ZZEF1: variants seen among roughly 807,000 people sequenced by gnomAD.
ZZEF1 encodes zinc finger ZZ-type and EF-hand domain containing 1, also known as zinc finger ZZ-type and EF-hand domain-containing protein 1.
Under a neutral mutation model 342.8 loss-of-function variants are expected in ZZEF1, and 157 were observed. The observed-to-expected ratio is 0.46, with a 90% CI of 0.40 to 0.52. ZZEF1 has a LOEUF of 0.52. ZZEF1 is among the 20% of genes least tolerant of loss of function. The probability of loss-of-function intolerance (pLI) is 0.00; values close to 1 mark genes in which losing one functional copy is unlikely to be tolerated. For missense variants in ZZEF1, 3,480 were observed against 3,725.6 expected (o/e 0.93, Z 1.72); for synonymous variants, 1,505 against 1,429.1 (o/e 1.05, Z -1.20).
rs957132194 is a variant in ZZEF1, at chr17:4,066,641, G to T, written c.4156-101C>A. 6.4e-6 allele frequency: 6 copies of T among 939,964 alleles called. No individual in the cohort carries two copies. In the African/African-American group the frequency reaches 8.1e-5, roughly 13 times the overall value. The allele number at this position is 939,964 out of a possible 1,614,324, so 58.2% of individuals were successfully genotyped here. A position where few individuals can be genotyped will look rare whatever the true frequency, so the allele number is the denominator to read the frequency against. On this transcript the variant is annotated intron_variant, in intron 27 of 54. Coordinates refer to ENST00000381638, the MANE Select transcript of ZZEF1 (RefSeq NM_015113.4). ...AAGCACACAGCACTGACACCACAGA[G>T]TACTTCACAGTTGTATCATTTAGAG...
intron 1 of ZZEF1, among the ~76,000 whole-genome samples, chr17:4,128,458 G>T (rs199612161): frequency 1.4e-4 from 20 of 143,842 alleles, no homozygotes; most frequent in Non-Finnish European, 2.3e-4. Context: ...TTCTAAAGTT[G>T]TTTTTTTTTT....
At chr17:4,057,134 G>A (rs1397114468) in intron 32 of ZZEF1, among the ~76,000 whole-genome samples, 1 of 152,236 alleles carries the variant, frequency 6.6e-6, no homozygotes, top group Non-Finnish European at 1.5e-5. Flanking sequence ...GGGGCTTGCT[G>A]TAAAGGGCGC....
At chr17:4,064,235 TA>T in intron 29 of ZZEF1, 125 bp downstream of exon 29, 3 of 811,694 alleles carry the variant, frequency 3.7e-6, no homozygotes, top group South Asian at 2.5e-5. Flanking sequence ...TTGAATATTC[TA>T]AAACAAGTCT....
chr17:4,133,092 A>G (rs138991633), intron 1 of ZZEF1, among the ~76,000 whole-genome samples: 176 of 152,364 alleles, frequency 1.2e-3, no homozygotes, highest in Non-Finnish European at 2.2e-3. Flanking sequence ...TGTTCACATT[A>G]TAGCATACTG....
At chr17:4,086,944 GTGATCTCAGCTCAC>G (rs2057842812) in intron 14 of ZZEF1, among the ~76,000 whole-genome samples, 1 of 152,158 alleles carries the variant, frequency 6.6e-6, no homozygotes, top group African/African-American at 2.4e-5. Context: ...GTGCAGTGGT[GTGATCTCAGCTCAC>G]TGCATCTCAG....
chr17:4,022,602 A>G (rs746169780), intron 44 of ZZEF1, 107 bp downstream of exon 44: 2 of 1,525,500 alleles, frequency 1.3e-6, no homozygotes, highest in South Asian at 2.3e-5. Flanking sequence ...ACTGTACTAA[A>G]GGAGTGTGCA....
In ZZEF1 at chr17:4,014,671, G is replaced by C. The variant is rs1357444254; in HGVS notation, c.8146-156C>G. ...GAGTGCAGAGTCCAGCTAGGGCGAG[G>C]AGCATGCACAGACTGCAAATATGGT... On this transcript the variant is annotated intron_variant, in intron 49 of 54. Transcript: ENST00000381638. The surrounding 1 kb of genome is among the most constrained non-coding windows in gnomAD (Gnocchi z 4.4). 6.6e-6 allele frequency among the ~76,000 whole-genome samples: 1 copy of C among 152,222 alleles called. No individual in the cohort carries two copies. Among genetic ancestry groups the C allele is most frequent in the South Asian group, 2.1e-4 (1 of 4,830 alleles).
chr17:4,024,508 C>A (rs914733957), intron 43 of ZZEF1, among the ~76,000 whole-genome samples: 2 of 152,144 alleles, frequency 1.3e-5, no homozygotes, highest in Admixed American at 1.3e-4. Flanking sequence ...CATCGCCCAG[C>A]TTTTCAACTT....
In ZZEF1 at chr17:4,008,577, A is replaced by G. The variant is rs770477685; in HGVS notation, c.8805+306T>C. 8.9e-7 allele frequency: 1 copy of G among 1,123,094 alleles called. No individual in the cohort carries two copies. The highest frequency in any genetic ancestry group is 1.1e-6 in the Non-Finnish European group (1 of 916,698). 69.6% of individuals were successfully genotyped at this position (1,123,094 alleles called of 1,614,324 possible). ...AGAGAAGCAACTCACATCTAAAAAT[A>G]TGTGAAATCTAACTCCACGGAAACT... On this transcript the variant is annotated intron_variant, in intron 54 of 54. Coordinates refer to ENST00000381638, the MANE Select transcript of ZZEF1 (RefSeq NM_015113.4). This position sits in a 1 kb window ranked among gnomAD's most constrained non-coding sequence, Gnocchi z 4.2.
rs1321949439 is a variant in ZZEF1 at position 4,007,434 on chromosome 17, A to G, written c.8806-464T>C. Among the ~76,000 whole-genome samples, 6 of 152,128 alleles carry G rather than the reference A, an allele frequency of 3.9e-5. No homozygotes were observed. In the South Asian group the frequency reaches 1.0e-3, roughly 26 times the overall value. Reference sequence around the variant, plus strand: ...GCAAGAGGGTGGAGGTGGCAGAGGGAGGAAGAGGGGGTTGGCAGGGAGACG... The same window carrying G: ...GCAAGAGGGTGGAGGTGGCAGAGGGGGGAAGAGGGGGTTGGCAGGGAGACG... On this transcript the variant is annotated intron_variant, in intron 54 of 54. Transcript: ENST00000381638.
chr17:4,059,418 T>A, intron 30 of ZZEF1, 128 bp from the exon 31 acceptor site: 1 of 1,120,450 alleles, frequency 8.9e-7, no homozygotes, highest in Non-Finnish European at 1.2e-6. Context: ...GGAACTTAAG[T>A]AAATACAAAT....
rs1186258266 is a variant in ZZEF1, at chr17:4,142,687, T to C, written c.209A>G (p.Glu70Gly). 4 of 1,606,366 alleles carry C rather than the reference T, an allele frequency of 2.5e-6. No homozygotes were observed. Among genetic ancestry groups the C allele is most frequent in the Middle Eastern group, 3.3e-4 (2 of 6,054 alleles). The change falls in exon 1 of 55, where the codon GAG becomes GGG. Residue 70 changes from glutamate (E) to glycine (G), a missense_variant. Coordinates refer to ENST00000381638, the MANE Select transcript of ZZEF1 (RefSeq NM_015113.4). ...GCCGCGATGCCTCGACACCAGCGAC[T>C]CGCAGGGGGGTGTGGGCAGCAACGC... ...AAALLPTPPC[E>G]SLVSRHRGAL...
intron 1 of ZZEF1, among the ~76,000 whole-genome samples, chr17:4,132,719 C>CT (rs1230694422): frequency 1.5e-4 from 15 of 101,022 alleles, no homozygotes; most frequent in East Asian, 4.8e-4. Context: ...GTAATCCCAG[C>CT]ACTTTGGGAG....
intron 1 of ZZEF1, among the ~76,000 whole-genome samples, chr17:4,134,267 T>C (rs994554034): frequency 6.6e-6 from 1 of 151,024 alleles, no homozygotes; most frequent in African/African-American, 2.4e-5. Flanking sequence ...TGCAGTGAGC[T>C]GTGATCACAC....
chr17:4,037,159 A>C (rs887988345), intron 39 of ZZEF1, among the ~76,000 whole-genome samples: 1 of 152,180 alleles, frequency 6.6e-6, no homozygotes, highest in Admixed American at 6.6e-5. Flanking sequence ...TAACTAACTA[A>C]ATAAATAAAT....
intron 34 of ZZEF1, among the ~76,000 whole-genome samples, chr17:4,053,738 T>G (rs1248882514): frequency 6.6e-6 from 1 of 152,242 alleles, no homozygotes; most frequent in Non-Finnish European, 1.5e-5. Flanking sequence ...CGTGTGTATT[T>G]TGCTACATGT....
At chr17:4,021,047 T>C in intron 45 of ZZEF1, 82 bp downstream of exon 45, 1 of 1,434,706 alleles carries the variant, frequency 7.0e-7, no homozygotes, top group Non-Finnish European at 9.4e-7. Context: ...ATTTTCATGT[T>C]TAGGCTAAAA....
At chr17:4,027,573 G>A (rs2056440740) in intron 42 of ZZEF1, among the ~76,000 whole-genome samples, 1 of 148,790 alleles carries the variant, frequency 6.7e-6, no homozygotes, top group Admixed American at 6.7e-5. Flanking sequence ...GGGATTACAG[G>A]CATGAGCCAC....
intron 52 of ZZEF1, among the ~76,000 whole-genome samples, chr17:4,013,169 A>G (rs2056010450): frequency 6.6e-6 from 1 of 152,098 alleles, no homozygotes. Context: ...CCCTTCTATC[A>G]TACACTCAAA....
Sources: allele counts gnomAD v4.1 joint callset (sites outside exome capture counted in the v4.1 genomes callset), GRCh38; gene constraint gnomAD v4.1.1; non-coding constraint Gnocchi (gnomAD v3.1); transcripts MANE v1.5; gene names NCBI Gene and HGNC (gene_info 2026-07-23, HGNC 2026-07-21).